The following PCDHA5 variants were observed in gnomAD, a reference collection of about 807,000 sequenced individuals.
PCDHA5 encodes protocadherin alpha-5.
In PCDHA5, 43 loss-of-function variants were observed where a neutral mutation model predicts 61.6. The ratio of observed to expected loss-of-function variants is 0.70; its 90% CI spans 0.55 to 0.90. PCDHA5 has a LOEUF of 0.90. PCDHA5 is among the 40% of genes least tolerant of loss of function. The probability of loss-of-function intolerance (pLI) is 0.00; values close to 1 mark genes in which losing one functional copy is unlikely to be tolerated. For missense variants in PCDHA5, 1,298 were observed against 1,222.7 expected (o/e 1.06, Z -0.92); for synonymous variants, 627 against 543.9 (o/e 1.15, Z -2.13).
chr5:140,870,221 T>C (rs1554163925), intron 1 of PCDHA5: 2 of 1,614,012 alleles, frequency 1.2e-6, no homozygotes, highest in Admixed American at 3.3e-5. Context: ...CTGATCAGCG[T>C]GTCTGACCGT....
intron 1 of PCDHA5, chr5:140,883,037 A>C: frequency 6.2e-7 from 1 of 1,614,166 alleles, no homozygotes; most frequent in Non-Finnish European, 8.5e-7. Flanking sequence ...GAACGCCTTC[A>C]ATGGAACATT....
rs1554178111 is a variant in PCDHA5 at position 140,883,417 on chromosome 5, A to G, written c.2352+59290A>G. On this transcript the variant is annotated intron_variant, in intron 1 of 3. Transcript: ENST00000529859. Reference sequence around the variant, plus strand: ...CCGATCGTGACTCTGGCTCAAATGGACAGGTCACCTGCACCTTGACGCCGC... The same window carrying G: ...CCGATCGTGACTCTGGCTCAAATGGGCAGGTCACCTGCACCTTGACGCCGC... 3.1e-6 allele frequency: 5 copies of G among 1,614,146 alleles called. No homozygotes were observed. The South Asian group carries it at 5.5e-5, about 18-fold the overall frequency.
In PCDHA5 at chr5:140,824,055, G is replaced by A; in HGVS notation, c.2280G>A (p.Gly760=). The A allele has an allele frequency of 6.2e-7, 1 of 1,614,112 alleles. No homozygotes were observed. Among genetic ancestry groups the A allele is most frequent in the Non-Finnish European group, 8.5e-7 (1 of 1,179,996 alleles). Residue 760 remains glycine, a synonymous_variant, in exon 1 of 4, where the codon GGG becomes GGA. Coordinates refer to ENST00000529859, the MANE Select transcript of PCDHA5 (RefSeq NM_018908.3). The stretch of plus-strand genomic sequence containing the variant: ...AGAGGAGACAGAGGGTGTGCTCTGG[G>A]GAAGCTCCACCCAAAACAGACCTCA... ...SQQRRQRVCS[G]EAPPKTDLMA... is the part of the protein sequence containing the mutation.
At chr5:140,967,492 G>C in intron 1 of PCDHA5, 1 of 1,613,380 alleles carries the variant, frequency 6.2e-7, no homozygotes, top group Non-Finnish European at 8.5e-7. Flanking sequence ...GTACGGCACA[G>C]ATCTCTGTGC....
chr5:140,993,661 A>G (rs902592339), intron 3 of PCDHA5, among the ~76,000 whole-genome samples: 1 of 152,182 alleles, frequency 6.6e-6, no homozygotes, highest in African/African-American at 2.4e-5. Flanking sequence ...TTGGTTAACA[A>G]TGGACCACAT....
At chr5:140,966,185 GA>G (rs1378285647) in intron 1 of PCDHA5, 4 of 197,798 alleles carry the variant, frequency 2.0e-5, no homozygotes, top group Non-Finnish European at 4.0e-5. Context: ...CTGATAGCCA[GA>G]CTTCTAGGGG....
chr5:140,984,458 C>T (rs1363789281), intron 3 of PCDHA5, among the ~76,000 whole-genome samples: 2 of 152,140 alleles, frequency 1.3e-5, no homozygotes, highest in African/African-American at 4.8e-5. Flanking sequence ...CTTACTGTCC[C>T]AGCCCCTCTT....
intron 1 of PCDHA5, among the ~76,000 whole-genome samples, chr5:140,924,889 T>C (rs1554202242): frequency 8.9e-6 from 1 of 112,122 alleles, no homozygotes; most frequent in Non-Finnish European, 1.8e-5. Flanking sequence ...AGCAAGAACC[T>C]GTCTCAAAAA....
intron 1 of PCDHA5, among the ~76,000 whole-genome samples, chr5:140,941,230 T>C (rs536346214): frequency 7.3e-6 from 1 of 137,584 alleles, no homozygotes; most frequent in African/African-American, 2.9e-5. Context: ...TTTCTTTCTT[T>C]CTTTCTTTCT....
chr5:140,875,206 A>G (rs1554167551), intron 1 of PCDHA5: 2 of 644,508 alleles, frequency 3.1e-6, no homozygotes, highest in South Asian at 3.9e-5. Context: ...AAGTGGCTAA[A>G]CCGAAAAGAA....
intron 1 of PCDHA5, chr5:140,883,651 G>A (rs782597421): frequency 1.9e-6 from 3 of 1,613,652 alleles, no homozygotes; most frequent in Middle Eastern, 1.7e-4. Flanking sequence ...CCGAGTACAC[G>A]GTGTTCGTGA....
At chr5:140,962,077 G>T (rs2095655013) in intron 1 of PCDHA5, among the ~76,000 whole-genome samples, 1 of 151,866 alleles carries the variant, frequency 6.6e-6, no homozygotes, top group South Asian at 2.1e-4. Flanking sequence ...AGTAGAGACG[G>T]GGTTTCACCA....
At chr5:140,841,888 T>A (rs2150324867) in intron 1 of PCDHA5, 2 of 1,613,782 alleles carry the variant, frequency 1.2e-6, no homozygotes, top group Non-Finnish European at 1.7e-6. Flanking sequence ...ACGATGAGAA[T>A]AAACTGGTTG....
chr5:140,839,881 A>G (rs1399090183), intron 1 of PCDHA5, among the ~76,000 whole-genome samples: 4 of 152,040 alleles, frequency 2.6e-5, no homozygotes, highest in African/African-American at 9.7e-5. Flanking sequence ...GATGAATAGA[A>G]TTTTGACAGA....
At chr5:140,892,537 CTT>C (rs570429050) in intron 1 of PCDHA5, among the ~76,000 whole-genome samples, 2 of 152,252 alleles carry the variant, frequency 1.3e-5, no homozygotes, top group South Asian at 4.1e-4. Flanking sequence ...AGGATTCTGA[CTT>C]TTGTTTCTCT....
chr5:140,822,585 G>T lies in PCDHA5; in HGVS notation c.810G>T (p.Glu270Asp). 1 of 1,612,046 alleles carries T rather than the reference G, an allele frequency of 6.2e-7. No individual in the cohort carries two copies. Among genetic ancestry groups the T allele is most frequent in the Non-Finnish European group, 8.5e-7 (1 of 1,178,326 alleles). Residue 270 changes from glutamate (E) to aspartate (D), a missense_variant, in exon 1 of 4, where the codon GAG becomes GAT. Coordinates refer to ENST00000529859, the MANE Select transcript of PCDHA5 (RefSeq NM_018908.3). ...VIKLNASDAD[E>D]GINKEIVYFF... Reference sequence around the variant, plus strand: ...AACTGAACGCCTCAGATGCAGATGAGGGCATCAATAAGGAAATAGTGTATT... The same window carrying T: ...AACTGAACGCCTCAGATGCAGATGATGGCATCAATAAGGAAATAGTGTATT...
rs782167817 is a variant in PCDHA5 at position 140,875,512 on chromosome 5, C to G, written c.2352+51385C>G. Reference sequence around the variant, plus strand: ...ACCAAGAGGCCCGGGATCCCAGCGTCTGCTGCTCTCGCTTCTGCTCCTTGC... The same window carrying G: ...ACCAAGAGGCCCGGGATCCCAGCGTGTGCTGCTCTCGCTTCTGCTCCTTGC... On this transcript the variant is annotated intron_variant, in intron 1 of 3. Coordinates refer to ENST00000529859, the MANE Select transcript of PCDHA5 (RefSeq NM_018908.3). 3 of 1,613,928 alleles carry G rather than the reference C, an allele frequency of 1.9e-6. No individual in the cohort carries two copies. The East Asian group carries it at 6.7e-5, about 36-fold the overall frequency.
intron 1 of PCDHA5, among the ~76,000 whole-genome samples, chr5:140,886,827 G>GA (rs782016620): frequency 0.032 from 1,958 of 60,672 alleles, 33 homozygotes; most frequent in African/African-American, 0.049. Context: ...ACTTCGTCTT[G>GA]AAAAAAAAAA....
intron 1 of PCDHA5, chr5:140,843,081 C>T (rs2150352051): frequency 1.3e-6 from 2 of 1,595,422 alleles, no homozygotes; most frequent in Admixed American, 1.7e-5. Flanking sequence ...TCTGTGGGCG[C>T]GGGCCACGTG....
Sources: gnomAD v4.1 joint callset for allele counts (sites outside exome capture counted in the v4.1 genomes callset) on GRCh38, gnomAD v4.1.1 for gene constraint, MANE v1.5 for transcripts, NCBI Gene and HGNC (gene_info 2026-07-23, HGNC 2026-07-21) for gene names.